The following NKAIN2 variants were observed in gnomAD, a reference collection of about 807,000 sequenced individuals.
The protein encoded by NKAIN2 is sodium/potassium-transporting ATPase subunit beta-1-interacting protein 2.
Under a neutral mutation model 32.6 loss-of-function variants are expected in NKAIN2, and 14 were observed. The ratio of observed to expected loss-of-function variants is 0.43; its 90% CI spans 0.28 to 0.67. The LOEUF is 0.67. Among genes scored for constraint, NKAIN2 ranks in the 30% least tolerant of loss-of-function variants. The pLI, the probability that NKAIN2 is intolerant of heterozygous loss-of-function variation, is 0.17. For synonymous variants in NKAIN2, 80 were observed against 87.2 expected (o/e 0.92, Z 0.46); for missense variants, 198 against 258.3 (o/e 0.77, Z 1.60).
At chr6:124,523,129 C>A (rs1189969271) in intron 3 of NKAIN2, among the ~76,000 whole-genome samples, 1 of 20,966 alleles carries the variant, frequency 4.8e-5, no homozygotes, top group Non-Finnish European at 9.5e-4. Flanking sequence ...GGCGACAGAG[C>A]GAGACTCCGT....
intron 4 of NKAIN2, among the ~76,000 whole-genome samples, chr6:124,754,273 T>C (rs1432273989): frequency 1.3e-5 from 2 of 152,104 alleles, no homozygotes; most frequent in Non-Finnish European, 2.9e-5. Context: ...TTCTGAAGAA[T>C]GCTAACAGCA....
intron 1 of NKAIN2, among the ~76,000 whole-genome samples, chr6:123,838,957 C>T (rs1774746821): frequency 6.6e-6 from 1 of 152,188 alleles, no homozygotes; most frequent in African/African-American, 2.4e-5. Context: ...GACTCTCTCT[C>T]ACAATTTAAC....
rs1217885894 is a variant in NKAIN2, at chr6:123,850,033, C to G, written c.54+45779C>G. 2.1e-5 allele frequency among the ~76,000 whole-genome samples: 3 copies of G among 144,728 alleles called. No individual in the cohort carries two copies. In the East Asian group the frequency reaches 6.8e-4, roughly 33 times the overall value. The allele number at this position is 144,728 out of a possible 152,430, so 94.9% of individuals were successfully genotyped here. On this transcript the variant is annotated intron_variant, in intron 1 of 6. Coordinates refer to ENST00000368417, the MANE Select transcript of NKAIN2 (RefSeq NM_001040214.3). ...TTGTTGCCCAGGCTGGTCTCCAACT[C>G]CTGGGCTTAAGCAGTCCTCCTGCCT...
At chr6:124,084,853 G>T (rs1482426747) in intron 1 of NKAIN2, among the ~76,000 whole-genome samples, 1 of 147,854 alleles carries the variant, frequency 6.8e-6, no homozygotes, top group African/African-American at 2.5e-5. Flanking sequence ...CATAGAAAAA[G>T]AAAAAAAAAA....
intron 4 of NKAIN2, among the ~76,000 whole-genome samples, chr6:124,678,298 C>T (rs1278801371): frequency 6.6e-6 from 1 of 152,046 alleles, no homozygotes; most frequent in East Asian, 1.9e-4. Context: ...AATAAGCTTA[C>T]TTTTCCTTTC....
chr6:124,605,090 C>T (rs2114987742), intron 3 of NKAIN2, among the ~76,000 whole-genome samples: 1 of 152,170 alleles, frequency 6.6e-6, no homozygotes, highest in South Asian at 2.1e-4. Flanking sequence ...CTAACCCCTG[C>T]TCTGTGTGGC....
intron 3 of NKAIN2, among the ~76,000 whole-genome samples, chr6:124,372,956 A>C (rs577103901): frequency 6.6e-6 from 1 of 152,172 alleles, no homozygotes; most frequent in Non-Finnish European, 1.5e-5. Flanking sequence ...GTAAGGAAAC[A>C]TTGAAAAACA....
chr6:124,564,566 A>G (rs1475437242), intron 3 of NKAIN2, among the ~76,000 whole-genome samples: 4 of 152,192 alleles, frequency 2.6e-5, no homozygotes, highest in East Asian at 1.9e-4. Context: ...ACTCTTCACA[A>G]TAAATCTTGC....
At chr6:123,914,704 C>T (rs1229970796) in intron 1 of NKAIN2, among the ~76,000 whole-genome samples, 1 of 152,136 alleles carries the variant, frequency 6.6e-6, no homozygotes, top group East Asian at 1.9e-4. Context: ...AGGTCTCTCT[C>T]TGCCCTTAAC....
intron 3 of NKAIN2, among the ~76,000 whole-genome samples, chr6:124,472,483 A>C (rs1369637508): frequency 1.3e-5 from 2 of 152,096 alleles, no homozygotes; most frequent in South Asian, 2.1e-4. Flanking sequence ...GTAGGTACAC[A>C]GGCCTTTGGG....
chr6:124,608,499 G>T (rs1782576963), intron 3 of NKAIN2, among the ~76,000 whole-genome samples: 1 of 152,100 alleles, frequency 6.6e-6, no homozygotes, highest in Non-Finnish European at 1.5e-5. Context: ...AGGCTACATG[G>T]TCATGAGGTG....
At chr6:123,847,090 C>G (rs1184799607) in intron 1 of NKAIN2, among the ~76,000 whole-genome samples, 2 of 152,250 alleles carry the variant, frequency 1.3e-5, no homozygotes, top group Non-Finnish European at 2.9e-5. Flanking sequence ...GCTTTTATCT[C>G]TTCCTAAATC....
intron 1 of NKAIN2, among the ~76,000 whole-genome samples, chr6:124,095,386 A>C (rs1001770302): frequency 1.3e-5 from 2 of 152,322 alleles, no homozygotes; most frequent in Non-Finnish European, 2.9e-5. Context: ...TCTGAATCTG[A>C]ATAAGGCTTG....
At chr6:124,627,555 T>C (rs1783402568) in intron 3 of NKAIN2, among the ~76,000 whole-genome samples, 1 of 152,144 alleles carries the variant, frequency 6.6e-6, no homozygotes, top group Admixed American at 6.6e-5. Context: ...AGGACTGTAG[T>C]GAGAATGAAA....
At chr6:124,024,890 G>A (rs11963626) in intron 1 of NKAIN2, among the ~76,000 whole-genome samples, 1 of 152,010 alleles carries the variant, frequency 6.6e-6, no homozygotes, top group African/African-American at 2.4e-5. Flanking sequence ...GGGAGGCTTA[G>A]GCAGGAGAAT....
At chr6:124,360,999 G>A (rs905660839) in intron 3 of NKAIN2, among the ~76,000 whole-genome samples, 1 of 152,056 alleles carries the variant, frequency 6.6e-6, no homozygotes, top group African/African-American at 2.4e-5. Flanking sequence ...GGCAATTGTG[G>A]TTCCCTTGAT....
Position 124,169,972 on chromosome 6 carries a change from T to G in NKAIN2, c.55-113033T>G, listed in dbSNP as rs532294955. On this transcript the variant is annotated intron_variant, in intron 1 of 6. Coordinates refer to ENST00000368417, the MANE Select transcript of NKAIN2 (RefSeq NM_001040214.3). ...TAGATTTAGTTAGGGAACTTTGGGG[T>G]TTTTATTAAGAGTGTTTCCTTCCCA... is the stretch of plus-strand genomic sequence containing the variant. 7.9e-5 allele frequency among the ~76,000 whole-genome samples: 12 copies of G among 152,124 alleles called. 1 individual carries two copies. The South Asian group carries it at 2.5e-3, about 32-fold the overall frequency.
intron 5 of NKAIN2, among the ~76,000 whole-genome samples, chr6:124,803,989 G>C (rs569209949): frequency 4.6e-5 from 7 of 152,194 alleles, no homozygotes; most frequent in African/African-American, 1.7e-4. Context: ...AGCTGAAATT[G>C]CTTGATTATC....
intron 3 of NKAIN2, among the ~76,000 whole-genome samples, chr6:124,425,419 AC>A (rs1482549090): frequency 2.0e-5 from 3 of 152,244 alleles, no homozygotes; most frequent in East Asian, 1.9e-4. Flanking sequence ...CAGTGACCAA[AC>A]AAAAGCAACA....
Sources: gnomAD v4.1 joint callset for allele counts (sites outside exome capture counted in the v4.1 genomes callset) on GRCh38, gnomAD v4.1.1 for gene constraint, MANE v1.5 for transcripts, NCBI Gene and HGNC (gene_info 2026-07-23, HGNC 2026-07-21) for gene names.